Variants in GNG12 observed in about 807,000 individuals in gnomAD.
GNG12 encodes G protein subunit gamma 12.
For missense variants in GNG12, 69 were observed against 83.8 expected (o/e 0.82, Z 0.69); for synonymous variants, 28 against 29.7 (o/e 0.94, Z 0.19).
At chr1:67,774,270 C>T (rs1043746099) in intron 2 of GNG12, among the ~76,000 whole-genome samples, 25 of 152,176 alleles carry the variant, frequency 1.6e-4, no homozygotes, top group Admixed American at 1.4e-3. Flanking sequence ...AGCCTCTCTC[C>T]CATGAACTGG....
intron 2 of GNG12, among the ~76,000 whole-genome samples, chr1:67,750,114 G>T (rs993872642): frequency 1.3e-5 from 2 of 152,106 alleles, no homozygotes; most frequent in Admixed American, 1.3e-4. Flanking sequence ...GCAGAAAGAG[G>T]AAAAAAGCCT....
At chr1:67,733,486 G>A (rs180994583) in intron 2 of GNG12, among the ~76,000 whole-genome samples, 31 of 152,106 alleles carry the variant, frequency 2.0e-4, no homozygotes, top group Admixed American at 5.9e-4. Context: ...AATCATATTT[G>A]CATATGGTTC....
intron 2 of GNG12, among the ~76,000 whole-genome samples, chr1:67,763,090 G>GGAGAGATAGAGAGAGAGAGAGA (rs1646615125): frequency 8.6e-6 from 1 of 116,724 alleles, no homozygotes; most frequent in South Asian, 3.3e-4. Context: ...TACCCTCCCA[G>GGAGAGATAGAGAGAGAGAGAGA]GAGAGAGAGA....
intron 2 of GNG12, among the ~76,000 whole-genome samples, chr1:67,719,019 G>A (rs1187243217): frequency 2.0e-5 from 3 of 152,172 alleles, no homozygotes; most frequent in African/African-American, 7.2e-5. Context: ...GCACAGAGAG[G>A]TTAAATATGT....
At chr1:67,797,919 G>A (rs1342991218) in intron 1 of GNG12, among the ~76,000 whole-genome samples, 2 of 152,144 alleles carry the variant, frequency 1.3e-5, no homozygotes, top group East Asian at 1.9e-4. Context: ...TGGCACCACT[G>A]GATGACCACG....
intron 1 of GNG12, among the ~76,000 whole-genome samples, chr1:67,795,135 C>T (rs1282269037): frequency 6.6e-6 from 1 of 152,218 alleles, no homozygotes; most frequent in Non-Finnish European, 1.5e-5. Context: ...CTATCCCATG[C>T]AGCTTCAAAC....
At chr1:67,732,100 C>T (rs527410395) in intron 2 of GNG12, among the ~76,000 whole-genome samples, 1 of 152,302 alleles carries the variant, frequency 6.6e-6, no homozygotes, top group East Asian at 1.9e-4. Flanking sequence ...TCAGGTATTC[C>T]GTTCAGCCTT....
rs773007277 is a variant in GNG12 at position 67,728,403 on chromosome 1, G to C, written c.-26-20691C>G. On this transcript the variant is annotated intron_variant, in intron 2 of 3. Transcript: ENST00000370982. ...GAGTCACTTCTTTTTCTGGGTCTCA[G>C]CTTCCTCGTCCCCAACAAAGGAGAA... 2.8e-4 allele frequency among the ~76,000 whole-genome samples: 43 copies of C among 152,268 alleles called. 1 individual carries two copies. Among genetic ancestry groups the C allele is most frequent in the South Asian group, 4.1e-4 (2 of 4,822 alleles).
chr1:67,724,451 G>A (rs930945739), intron 2 of GNG12, among the ~76,000 whole-genome samples: 14 of 152,174 alleles, frequency 9.2e-5, no homozygotes, highest in Non-Finnish European at 1.3e-4. Flanking sequence ...GTGCAGTGGC[G>A]TGATCTTGGC....
At chr1:67,798,061 C>T (rs529873268) in intron 1 of GNG12, among the ~76,000 whole-genome samples, 1 of 152,252 alleles carries the variant, frequency 6.6e-6, no homozygotes, top group African/African-American at 2.4e-5. Context: ...GTTCCTTTCA[C>T]TTTCTGCCTC....
intron 1 of GNG12, among the ~76,000 whole-genome samples, chr1:67,827,554 T>C (rs1647018226): frequency 6.6e-6 from 1 of 152,104 alleles, no homozygotes; most frequent in Non-Finnish European, 1.5e-5. Context: ...GCCTTCCAAG[T>C]AGCTGGGACT....
Position 67,710,674 on chromosome 1 carries a change from C to T in GNG12, c.-26-2962G>A, listed in dbSNP as rs190504754. Among the ~76,000 whole-genome samples the T allele has an allele frequency of 2.9e-3, 448 of 152,244 alleles. 3 individuals carry two copies. The highest frequency in any genetic ancestry group is 4.3e-3 in the Non-Finnish European group (294 of 68,022). ...CTTCCTGACTATATTATAGTCAAGA[C>T]TAAAAACAGCCAGCAATTCATGATT... is the stretch of plus-strand genomic sequence containing the variant. On this transcript the variant is annotated intron_variant, in intron 2 of 3. Coordinates refer to ENST00000370982, the MANE Select transcript of GNG12 (RefSeq NM_018841.6).
chr1:67,769,821 C>T (rs1219100399), intron 2 of GNG12, among the ~76,000 whole-genome samples: 1 of 122,078 alleles, frequency 8.2e-6, no homozygotes, highest in Non-Finnish European at 1.7e-5. Context: ...CACACACACA[C>T]TCACACTCAC....
At chr1:67,731,889 AC>A (rs1263591582) in intron 2 of GNG12, among the ~76,000 whole-genome samples, 1 of 151,910 alleles carries the variant, frequency 6.6e-6, no homozygotes, top group Non-Finnish European at 1.5e-5. Context: ...TATATTCTCC[AC>A]CCCAACTTGA....
intron 2 of GNG12, among the ~76,000 whole-genome samples, chr1:67,739,399 C>T (rs956990718): frequency 3.3e-5 from 5 of 150,110 alleles, no homozygotes; most frequent in African/African-American, 5.1e-5. Flanking sequence ...TCACAATGAC[C>T]GGTATGATCT....
At chr1:67,711,011 C>G (rs1023134306) in intron 2 of GNG12, among the ~76,000 whole-genome samples, 2 of 152,214 alleles carry the variant, frequency 1.3e-5, no homozygotes, top group African/African-American at 2.4e-5. Flanking sequence ...AGCCCCTTCT[C>G]CTGCTCTGCT....
intron 1 of GNG12, among the ~76,000 whole-genome samples, chr1:67,782,212 T>G (rs1378397919): frequency 2.0e-5 from 3 of 152,184 alleles, no homozygotes; most frequent in African/African-American, 7.2e-5. Flanking sequence ...GGGAAATATA[T>G]CCTATGCTTT....
intron 2 of GNG12, among the ~76,000 whole-genome samples, chr1:67,728,252 G>A (rs747637488): frequency 1.0e-3 from 154 of 152,266 alleles, no homozygotes; most frequent in Non-Finnish European, 1.8e-3. Flanking sequence ...TGGCAAAAGT[G>A]CACTCTGGAA....
chr1:67,759,822 C>T (rs974617334), intron 2 of GNG12, among the ~76,000 whole-genome samples: 6 of 152,146 alleles, frequency 3.9e-5, no homozygotes, highest in Non-Finnish European at 2.9e-5. Context: ...CACTCTGGGT[C>T]CCAGTCATGT....
Sources: allele counts gnomAD v4.1 joint callset (sites outside exome capture counted in the v4.1 genomes callset), GRCh38; gene constraint gnomAD v4.1.1; transcripts MANE v1.5; gene names NCBI Gene and HGNC (gene_info 2026-07-23, HGNC 2026-07-21).